PLPPR1: variants seen among roughly 807,000 people sequenced by gnomAD.
PLPPR1 encodes the protein phospholipid phosphatase related 1, also known as phospholipid phosphatase-related protein type 1.
A neutral mutation model predicts 33.1 loss-of-function variants in PLPPR1; 10 were observed. That is an observed-to-expected ratio of 0.30 (90% CI 0.19 to 0.51). The LOEUF is 0.51. Ranked by LOEUF, PLPPR1 falls within the 20% of genes least tolerant of loss-of-function variation. The pLI is 0.97. For missense variants in PLPPR1, 304 were observed against 408.1 expected (o/e 0.74, Z 2.20); for synonymous variants, 151 against 151.0 (o/e 1.00, Z 0.00).
chr9:101,033,864 C>T (rs557899911), intron 1 of PLPPR1, among the ~76,000 whole-genome samples: 5 of 152,234 alleles, frequency 3.3e-5, no homozygotes, highest in African/African-American at 1.2e-4. Context: ...ATTGTACAAG[C>T]AATTTCCTTT....
chr9:101,192,006 T>C (rs1207318500), intron 2 of PLPPR1, among the ~76,000 whole-genome samples: 3 of 152,208 alleles, frequency 2.0e-5, no homozygotes, highest in African/African-American at 7.2e-5. Flanking sequence ...TTGTTATAAA[T>C]TGCAGACTGC....
chr9:101,136,619 C>T (rs552139678), intron 1 of PLPPR1, among the ~76,000 whole-genome samples: 1 of 152,248 alleles, frequency 6.6e-6, no homozygotes, highest in African/African-American at 2.4e-5. Context: ...TATGTTTATT[C>T]ATGAATTGTA....
chr9:101,166,750 G>A (rs1279133156), intron 1 of PLPPR1, among the ~76,000 whole-genome samples: 2 of 152,068 alleles, frequency 1.3e-5, no homozygotes, highest in Non-Finnish European at 2.9e-5. Context: ...TGTTTGTCAA[G>A]GAGATTAATG....
At chr9:101,288,083 G>T (rs1005657932) in intron 4 of PLPPR1, among the ~76,000 whole-genome samples, 7 of 152,148 alleles carry the variant, frequency 4.6e-5, no homozygotes, top group Non-Finnish European at 1.0e-4. Context: ...TTGGAGCAGG[G>T]TCCAAGGAAT....
chr9:101,138,994 G>C (rs1040899593), intron 1 of PLPPR1, among the ~76,000 whole-genome samples: 3 of 152,030 alleles, frequency 2.0e-5, no homozygotes, highest in African/African-American at 7.2e-5. Context: ...TCCAGCAACT[G>C]TTTTTACCAT....
chr9:101,292,435 A>G (rs1363524536), intron 4 of PLPPR1, among the ~76,000 whole-genome samples: 1 of 152,208 alleles, frequency 6.6e-6, no homozygotes, highest in Admixed American at 6.5e-5. Context: ...CAGGAAATAC[A>G]GAGAATGCCA....
At chr9:101,293,456 A>G (rs1453625056) in intron 4 of PLPPR1, among the ~76,000 whole-genome samples, 9 of 151,462 alleles carry the variant, frequency 5.9e-5, no homozygotes, top group Admixed American at 2.0e-4. Flanking sequence ...AGCAGACCTA[A>G]TAGACATCTA....
At chr9:101,152,872 G>A (rs1831609529) in intron 1 of PLPPR1, among the ~76,000 whole-genome samples, 1 of 152,166 alleles carries the variant, frequency 6.6e-6, no homozygotes, top group Admixed American at 6.5e-5. Context: ...GGATTGACTT[G>A]GCAATGCGGG....
intron 1 of PLPPR1, among the ~76,000 whole-genome samples, chr9:101,040,028 T>C (rs1177382306): frequency 6.6e-6 from 1 of 151,966 alleles, no homozygotes; most frequent in African/African-American, 2.4e-5. Flanking sequence ...TCATTGCTGA[T>C]CCATGAACTG....
intron 2 of PLPPR1, among the ~76,000 whole-genome samples, chr9:101,204,268 C>G (rs1365464651): frequency 6.6e-6 from 1 of 152,158 alleles, no homozygotes; most frequent in Non-Finnish European, 1.5e-5. Flanking sequence ...GCCCCAACCT[C>G]TATTTCCTAG....
chr9:101,290,126 G>T (rs528373690), intron 4 of PLPPR1, among the ~76,000 whole-genome samples: 1 of 152,188 alleles, frequency 6.6e-6, no homozygotes, highest in African/African-American at 2.4e-5. Context: ...TTACAATAAA[G>T]ACTCTTTAAA....
intron 2 of PLPPR1, among the ~76,000 whole-genome samples, chr9:101,197,150 C>T (rs1191757498): frequency 6.6e-6 from 1 of 152,096 alleles, no homozygotes; most frequent in African/African-American, 2.4e-5. Context: ...GCCTTGTTAC[C>T]CAGAGAACTA....
chr9:101,127,754 A>G (rs1044675776), intron 1 of PLPPR1, among the ~76,000 whole-genome samples: 1 of 152,160 alleles, frequency 6.6e-6, no homozygotes, highest in African/African-American at 2.4e-5. Flanking sequence ...TCCAAAGGCC[A>G]TGGGGGGTTT....
At chr9:101,285,021 C>T (rs1346516577) in intron 3 of PLPPR1, among the ~76,000 whole-genome samples, 2 of 152,136 alleles carry the variant, frequency 1.3e-5, no homozygotes, top group African/African-American at 4.8e-5. Flanking sequence ...GGTAAATTAC[C>T]TAAACTTGCT....
intron 2 of PLPPR1, among the ~76,000 whole-genome samples, chr9:101,265,109 C>G (rs904938263): frequency 1.3e-5 from 2 of 152,166 alleles, no homozygotes; most frequent in African/African-American, 4.8e-5. Context: ...GTGACCTTCA[C>G]AATTATTGCT....
intron 2 of PLPPR1, among the ~76,000 whole-genome samples, chr9:101,236,351 C>T (rs1488481906): frequency 1.3e-5 from 2 of 151,696 alleles, no homozygotes; most frequent in Non-Finnish European, 3.0e-5. Context: ...TCTCATAATT[C>T]TTCTAATATT....
intron 3 of PLPPR1, among the ~76,000 whole-genome samples, chr9:101,274,503 G>A (rs574555342): frequency 3.3e-5 from 5 of 152,276 alleles, no homozygotes; most frequent in South Asian, 2.1e-4. Flanking sequence ...AAAGAGCAGC[G>A]TGGCCTTGCT....
At chr9:101,029,404 G>A (rs1488668765) in intron 1 of PLPPR1, among the ~76,000 whole-genome samples, 1 of 152,208 alleles carries the variant, frequency 6.6e-6, no homozygotes, top group African/African-American at 2.4e-5. Flanking sequence ...GGCTCCCTCC[G>A]TCCCGTTCCA....
intron 1 of PLPPR1, among the ~76,000 whole-genome samples, chr9:101,147,612 G>A (rs1831536182): frequency 6.6e-6 from 1 of 152,170 alleles, no homozygotes; most frequent in Non-Finnish European, 1.5e-5. Flanking sequence ...GACATATGTG[G>A]AGAAGAGAGA....
Sources: allele counts gnomAD v4.1 joint callset (sites outside exome capture counted in the v4.1 genomes callset), GRCh38; gene constraint gnomAD v4.1.1; transcripts MANE v1.5; gene names NCBI Gene and HGNC (gene_info 2026-07-23, HGNC 2026-07-21).